The following EHD4 variants were observed in gnomAD, a reference collection of about 807,000 sequenced individuals.
The protein encoded by EHD4 is EH domain-containing protein 4.
Under a neutral mutation model 51.0 loss-of-function variants are expected in EHD4, and 37 were observed. The ratio of observed to expected loss-of-function variants is 0.73; its 90% confidence interval spans 0.56 to 0.95. The LOEUF (loss-of-function observed/expected upper bound fraction) is 0.95, where lower values mean the gene tolerates loss of function less well. Among genes scored for constraint, EHD4 ranks in the 40% least tolerant of loss-of-function variants. The probability of loss-of-function intolerance (pLI) is 0.00; values close to 1 mark genes in which losing one functional copy is unlikely to be tolerated. For synonymous variants in EHD4, 297 were observed against 317.3 expected (o/e 0.94, Z 0.68); for missense variants, 632 against 733.1 (o/e 0.86, Z 1.59).
At chr15:41,907,004 T>A (rs1242397164) in intron 5 of EHD4, among the ~76,000 whole-genome samples, 1 of 152,148 alleles carries the variant, frequency 6.6e-6, no homozygotes, top group Admixed American at 6.5e-5. Context: ...TTCCCCCAGC[T>A]CAGAGGACCC....
chr15:41,905,149 C>G (rs2067504252), intron 5 of EHD4, among the ~76,000 whole-genome samples: 1 of 152,222 alleles, frequency 6.6e-6, no homozygotes, highest in African/African-American at 2.4e-5. Context: ...AGGGATGGGA[C>G]AGGCCCTAAC....
intron 4 of EHD4, among the ~76,000 whole-genome samples, chr15:41,916,359 G>C (rs183747201): frequency 6.6e-6 from 1 of 152,332 alleles, no homozygotes; most frequent in Admixed American, 6.5e-5. Context: ...GCAGCTTACA[G>C]GCTGTGAAGC....
chr15:41,943,190 G>T (rs763026802), intron 2 of EHD4, 26 bp from the exon 3 acceptor site: 10 of 1,546,478 alleles, frequency 6.5e-6, no homozygotes, highest in Non-Finnish European at 4.4e-6. Context: ...CAAAGGAGGG[G>T]TCAGAAACTG....
chr15:41,969,150 T>C (rs1257509322), intron 1 of EHD4, among the ~76,000 whole-genome samples: 1 of 152,238 alleles, frequency 6.6e-6, no homozygotes, highest in Non-Finnish European at 1.5e-5. Flanking sequence ...TTTTAAAGCC[T>C]ATATAGTTTC....
chr15:41,925,554 G>A (rs755668886), intron 3 of EHD4, among the ~76,000 whole-genome samples: 1 of 152,196 alleles, frequency 6.6e-6, no homozygotes, highest in Non-Finnish European at 1.5e-5. Flanking sequence ...ACGGTGCTCA[G>A]TATATTTTCA....
At chr15:41,965,156 A>G (rs1484825633) in intron 1 of EHD4, among the ~76,000 whole-genome samples, 1 of 152,234 alleles carries the variant, frequency 6.6e-6, no homozygotes, top group Admixed American at 6.5e-5. Flanking sequence ...ATGGCCAAAA[A>G]TGTTCAGTTC....
chr15:41,909,573 C>G, intron 5 of EHD4, 126 bp downstream of exon 5: 1 of 1,108,218 alleles, frequency 9.0e-7, no homozygotes, highest in Admixed American at 2.1e-5. Context: ...CATGGATCAC[C>G]ATTAGGAAGA....
intron 1 of EHD4, among the ~76,000 whole-genome samples, chr15:41,955,685 C>T (rs1447219591): frequency 2.0e-5 from 3 of 152,158 alleles, no homozygotes; most frequent in Non-Finnish European, 4.4e-5. Context: ...TAGAAATGTT[C>T]GTGTTGATCA....
chr15:41,904,627 A>G (rs2067500710), intron 5 of EHD4, among the ~76,000 whole-genome samples: 2 of 152,214 alleles, frequency 1.3e-5, no homozygotes, highest in South Asian at 2.1e-4. Context: ...TCCCTTGCCC[A>G]TTAATTGCCA....
intron 2 of EHD4, among the ~76,000 whole-genome samples, chr15:41,951,910 A>G (rs968179348): frequency 1.3e-5 from 2 of 152,238 alleles, no homozygotes; most frequent in African/African-American, 4.8e-5. Context: ...CAGGTTGGAA[A>G]AAAATCACCT....
At chr15:41,934,194 C>T (rs537324942) in intron 3 of EHD4, among the ~76,000 whole-genome samples, 1 of 152,186 alleles carries the variant, frequency 6.6e-6, no homozygotes, top group Admixed American at 6.5e-5. Flanking sequence ...GTAGGAGGGA[C>T]AGGCTCAGGC....
chr15:41,934,015 C>A (rs916555553), intron 3 of EHD4, among the ~76,000 whole-genome samples: 1 of 152,096 alleles, frequency 6.6e-6, no homozygotes, highest in Non-Finnish European at 1.5e-5. Flanking sequence ...AGTCACAGAG[C>A]CTGCCCCACC....
At chr15:41,947,554 G>A (rs2067823840) in intron 2 of EHD4, among the ~76,000 whole-genome samples, 1 of 152,158 alleles carries the variant, frequency 6.6e-6, no homozygotes, top group African/African-American at 2.4e-5. Context: ...TAAAACCAGA[G>A]AGATAATACA....
intron 1 of EHD4, among the ~76,000 whole-genome samples, chr15:41,955,608 G>C (rs1416022053): frequency 6.6e-6 from 1 of 152,186 alleles, no homozygotes; most frequent in Non-Finnish European, 1.5e-5. Flanking sequence ...TTCAAAATGT[G>C]TTCAGCTTTA....
intron 1 of EHD4, among the ~76,000 whole-genome samples, chr15:41,965,555 G>A (rs2067956199): frequency 6.6e-6 from 1 of 152,186 alleles, no homozygotes; most frequent in African/African-American, 2.4e-5. Context: ...AAGAATTACT[G>A]TGAGAGATGG....
intron 1 of EHD4, among the ~76,000 whole-genome samples, chr15:41,958,001 A>G (rs2067898550): frequency 6.6e-6 from 1 of 152,082 alleles, no homozygotes; most frequent in Non-Finnish European, 1.5e-5. Flanking sequence ...CACACGGGAT[A>G]GACAGCCTGA....
At position 41,900,782 on chromosome 15, in the gene EHD4, C is replaced by CGTCGCA; in HGVS notation, c.1483_1488dup (p.Cys495_Asp496dup). 3.1e-6 allele frequency: 5 copies of CGTCGCA among 1,614,166 alleles called. No individual in the cohort carries two copies. The highest frequency in any genetic ancestry group is 4.2e-6 in the Non-Finnish European group (5 of 1,180,044). The stretch of plus-strand genomic sequence containing the variant: ...GCGAACTCCTCCTCATCAAGCATGC[C>CGTCGCA]GTCGCAGTCGCAGTCGGCCAGCTTC... On this transcript the variant is annotated inframe_insertion, in exon 6 of 6. Coordinates refer to ENST00000220325, the MANE Select transcript of EHD4 (RefSeq NM_139265.4). The surrounding 1 kb of genome is among the most constrained non-coding windows in gnomAD (Gnocchi z 4.8).
chr15:41,946,191 A>T (rs965357317), intron 2 of EHD4, among the ~76,000 whole-genome samples: 1 of 152,150 alleles, frequency 6.6e-6, no homozygotes, highest in African/African-American at 2.4e-5. Flanking sequence ...TTCACGTAAA[A>T]TATGCAGACA....
intron 1 of EHD4, among the ~76,000 whole-genome samples, chr15:41,962,732 C>T (rs2067933290): frequency 6.6e-6 from 1 of 152,074 alleles, no homozygotes; most frequent in African/African-American, 2.4e-5. Context: ...CGCCTCTGCC[C>T]AGCCACCCTG....
Sources: gnomAD v4.1 joint callset for allele counts (sites outside exome capture counted in the v4.1 genomes callset) on GRCh38, gnomAD v4.1.1 for gene constraint, Gnocchi (gnomAD v3.1) non-coding constraint, MANE v1.5 for transcripts, NCBI Gene and HGNC (gene_info 2026-07-23, HGNC 2026-07-21) for gene names.